IMPA1: variants seen among roughly 807,000 people sequenced by gnomAD.
IMPA1 encodes D-galactose 1-phosphate phosphatase.
Under a neutral mutation model 34.9 loss-of-function variants are expected in IMPA1, and 21 were observed. The observed-to-expected ratio is 0.60, with a 90% CI of 0.43 to 0.87. The LOEUF is 0.87. IMPA1 is among the 40% of genes least tolerant of loss of function. The pLI, the probability that IMPA1 is intolerant of heterozygous loss-of-function variation, is 0.00. For synonymous variants in IMPA1, 95 were observed against 104.4 expected, an observed-to-expected ratio of 0.91 and a Z score of 0.55; for missense variants, 299 against 336.4, an observed-to-expected ratio of 0.89 and a Z score of 0.87.
intron 6 of IMPA1, among the ~76,000 whole-genome samples, chr8:81,672,440 C>G (rs1303152069): frequency 6.6e-6 from 1 of 152,182 alleles, no homozygotes; most frequent in Non-Finnish European, 1.5e-5. Flanking sequence ...GGGCTCTAGA[C>G]TCACTGATGC....
intron 7 of IMPA1, among the ~76,000 whole-genome samples, chr8:81,663,033 C>G (rs1806723414): frequency 6.6e-6 from 1 of 152,130 alleles, no homozygotes; most frequent in Admixed American, 6.5e-5. Context: ...CACTGCAAAG[C>G]TGAAGAATCA....
At chr8:81,662,390 G>A (rs1011544026) in intron 7 of IMPA1, among the ~76,000 whole-genome samples, 14 of 152,226 alleles carry the variant, frequency 9.2e-5, no homozygotes, top group African/African-American at 2.4e-4. Flanking sequence ...CGGTGCTTCC[G>A]TCACTTCTAA....
At chr8:81,670,269 G>C (rs1806948677) in intron 7 of IMPA1, among the ~76,000 whole-genome samples, 1 of 151,824 alleles carries the variant, frequency 6.6e-6, no homozygotes, top group Non-Finnish European at 1.5e-5. Flanking sequence ...CAGTATTTAT[G>C]GGATACAATG....
intron 7 of IMPA1, among the ~76,000 whole-genome samples, chr8:81,666,226 A>C (rs759776412): frequency 7.9e-5 from 12 of 152,208 alleles, no homozygotes; most frequent in Non-Finnish European, 1.3e-4. Flanking sequence ...ATAATATTAA[A>C]GGTACTATAA....
In IMPA1 at chr8:81,660,306, A is replaced by G. The variant is rs1286937587; in HGVS notation, c.718+210T>C. Among the ~76,000 whole-genome samples the G allele has an allele frequency of 3.3e-5, 5 of 152,324 alleles. No individual in the cohort carries two copies. The South Asian group carries it at 1.0e-3, about 32-fold the overall frequency. On this transcript the variant is annotated intron_variant, in intron 8 of 8. Transcript: ENST00000256108. ...CTGAAACTCACACTAGAAAAGGATT[A>G]GCCATTTATCATTGTAAGTCTCACA... is the stretch of plus-strand genomic sequence containing the variant.
chr8:81,673,949 T>C lies in IMPA1; in HGVS notation c.349A>G (p.Ile117Val). ...CAACTGTACACAACTCCAAATTCTATCTGCAGAGGAAAACAAGTTTCCTTT... is the reference window on the plus strand; with the variant it reads ...CAACTGTACACAACTCCAAATTCTACCTGCAGAGGAAAACAAGTTTCCTTT... ...VSIGFAVNKK[I>V]EFGVVYSCVE... is the part of the protein sequence containing the mutation. Residue 117 changes from isoleucine (I) to valine (V), a missense_variant and splice_region_variant, in exon 6 of 9, where the codon ATA becomes GTA. By Grantham distance (29) the Ile-to-Val change is conservative (BLOSUM62 3). Coordinates refer to ENST00000256108, the MANE Select transcript of IMPA1 (RefSeq NM_005536.4). The C allele has an allele frequency of 6.3e-7, 1 of 1,591,550 alleles. No homozygotes were observed. Among genetic ancestry groups the C allele is most frequent in the Non-Finnish European group, 8.6e-7 (1 of 1,161,672 alleles).
chr8:81,686,171 C>T (rs965275396), intron 1 of IMPA1, 81 bp downstream of exon 1: 25 of 951,416 alleles, frequency 2.6e-5, no homozygotes, highest in Non-Finnish European at 3.3e-5. Context: ...GCGCCCGCTC[C>T]TGAGGAGGGA....
At chr8:81,681,476 T>C (rs754156148) in intron 2 of IMPA1, 22 bp downstream of exon 2, 5 of 1,342,202 alleles carry the variant, frequency 3.7e-6, no homozygotes, top group South Asian at 2.3e-5. Flanking sequence ...TTGATTATAA[T>C]TGACAAAATC....
intron 3 of IMPA1, among the ~76,000 whole-genome samples, chr8:81,679,737 G>C (rs544306083): frequency 6.6e-6 from 1 of 152,042 alleles, no homozygotes; most frequent in Non-Finnish European, 1.5e-5. Flanking sequence ...TGAATAAAGC[G>C]ATGTGAAAAA....
At chr8:81,675,752 T>C (rs1237682783) in intron 5 of IMPA1, among the ~76,000 whole-genome samples, 8 of 152,234 alleles carry the variant, frequency 5.3e-5, no homozygotes, top group Non-Finnish European at 8.8e-5. Context: ...TGCTAGGCTT[T>C]AGATGTAAGT....
intron 4 of IMPA1, among the ~76,000 whole-genome samples, chr8:81,676,889 T>A (rs550051641): frequency 6.6e-6 from 1 of 151,988 alleles, no homozygotes; most frequent in Admixed American, 6.5e-5. Flanking sequence ...GCTTCCCCGG[T>A]AGGCTGAGGC....
At chr8:81,685,791 G>C in intron 1 of IMPA1, 2 of 1,539,468 alleles carry the variant, frequency 1.3e-6, no homozygotes, top group South Asian at 1.2e-5. Context: ...ATAAACACCT[G>C]AACTGTTTCC....
chr8:81,658,353 G>A lies in IMPA1; in HGVS notation c.*998C>T, dbSNP rs1160976141. On this transcript the variant is annotated 3_prime_UTR_variant, in exon 9 of 9. Coordinates refer to ENST00000256108, the MANE Select transcript of IMPA1 (RefSeq NM_005536.4). ...TTTTAAAGGCTGAACAGAATCCAGCGGCAATGAAGTTAATTAAATAAGAAG... is the reference window on the plus strand; with the variant it reads ...TTTTAAAGGCTGAACAGAATCCAGCAGCAATGAAGTTAATTAAATAAGAAG... 1 of 151,954 alleles carries A rather than the reference G, an allele frequency of 6.6e-6. No individual in the cohort carries two copies. Among genetic ancestry groups the A allele is most frequent in the East Asian group, 1.9e-4 (1 of 5,182 alleles). The allele number at this position is 151,954 out of a possible 1,614,324, so 9.4% of individuals were successfully genotyped here. A position where few individuals can be genotyped will look rare whatever the true frequency, so the allele number is the denominator to read the frequency against.
rs562437214 is a variant in IMPA1 at position 81,676,315 on chromosome 8, C to T, written c.303-36G>A. On this transcript the variant is annotated intron_variant, in intron 4 of 8. Transcript: ENST00000256108. ...AAAAAAGGACAAAATACAAATTAAC[C>T]AACATAGAACTTTTGTTAATAAAAT... 6.7e-5 allele frequency: 67 copies of T among 996,742 alleles called. 1 individual carries two copies. In the South Asian group the frequency reaches 7.4e-4, roughly 11 times the overall value. The allele number at this position is 996,742 out of a possible 1,614,324, so 61.7% of individuals were successfully genotyped here. A position where few individuals can be genotyped will look rare whatever the true frequency, so the allele number is the denominator to read the frequency against.
chr8:81,685,333 T>C (rs1000863502), intron 1 of IMPA1, among the ~76,000 whole-genome samples: 2 of 137,072 alleles, frequency 1.5e-5, no homozygotes, highest in Non-Finnish European at 3.0e-5. Flanking sequence ...ATATAGTATA[T>C]TTATATACTA....
At chr8:81,670,902 T>C (rs762943493) in intron 7 of IMPA1, 37 bp downstream of exon 7, 1 of 1,082,302 alleles carries the variant, frequency 9.2e-7, no homozygotes, top group Non-Finnish European at 1.3e-6. Context: ...CACACACGTA[T>C]ACAAAGAGAG....
At chr8:81,676,158 T>A (rs1166019110) in intron 5 of IMPA1, 76 bp downstream of exon 5, 2 of 589,356 alleles carry the variant, frequency 3.4e-6, no homozygotes, top group Non-Finnish European at 5.6e-6. Context: ...CCTGAATTTA[T>A]TATGAAAACA....
intron 8 of IMPA1, 46 bp from the exon 9 acceptor site, chr8:81,659,512 T>G: frequency 9.6e-7 from 1 of 1,045,176 alleles, no homozygotes; most frequent in South Asian, 1.3e-5. Context: ...GGTACAAAAA[T>G]AATTCATATA....
At chr8:81,677,741 T>C (rs1487787016) in intron 4 of IMPA1, among the ~76,000 whole-genome samples, 1 of 152,128 alleles carries the variant, frequency 6.6e-6, no homozygotes, top group Non-Finnish European at 1.5e-5. Context: ...TCTGTGAAAA[T>C]ATATTAGCAT....
Sources: allele counts gnomAD v4.1 joint callset (sites outside exome capture counted in the v4.1 genomes callset), GRCh38; gene constraint gnomAD v4.1.1; transcripts MANE v1.5; gene names NCBI Gene and HGNC (gene_info 2026-07-23, HGNC 2026-07-21).